MGARP: variants seen among roughly 807,000 people sequenced by gnomAD.
MGARP encodes mitochondria localized glutamic acid rich protein, also known as protein MGARP.
Under a neutral mutation model 11.0 loss-of-function variants are expected in MGARP, and 12 were observed. The ratio of observed to expected loss-of-function variants is 1.09; its 90% CI spans 0.70 to 1.77. The LOEUF (loss-of-function observed/expected upper bound fraction) is 1.77, where lower values mean the gene tolerates loss of function less well. Among genes scored for constraint, MGARP ranks in the 40% most tolerant of loss-of-function variants. The pLI is 0.00. For synonymous variants in MGARP, 110 were observed against 115.4 expected (o/e 0.95, Z 0.30); for missense variants, 283 against 297.8 (o/e 0.95, Z 0.36).
intron 1 of MGARP, among the ~76,000 whole-genome samples, chr4:139,279,384 A>G (rs1017912721): frequency 4.6e-5 from 7 of 152,080 alleles, no homozygotes; most frequent in Non-Finnish European, 7.3e-5. Flanking sequence ...CTCAGAACCA[A>G]AGGTGTCGAT....
At chr4:139,269,406 A>G (rs2110729768) in intron 2 of MGARP, among the ~76,000 whole-genome samples, 1 of 152,200 alleles carries the variant, frequency 6.6e-6, no homozygotes, top group East Asian at 1.9e-4. Flanking sequence ...AGGTGGGTGG[A>G]TCACCTGAAG....
chr4:139,270,214 C>T (rs1342314757), intron 2 of MGARP, among the ~76,000 whole-genome samples: 1 of 142,682 alleles, frequency 7.0e-6, no homozygotes, highest in Non-Finnish European at 1.5e-5. Flanking sequence ...GCAGGAGAAT[C>T]ACTTGAACCC....
chr4:139,267,497 G>A (rs186404866), intron 3 of MGARP, among the ~76,000 whole-genome samples: 1 of 152,276 alleles, frequency 6.6e-6, no homozygotes, highest in Admixed American at 6.5e-5. Context: ...CCTAGCTGGT[G>A]ACTCAGAAAT....
intron 2 of MGARP, among the ~76,000 whole-genome samples, chr4:139,273,510 CTTTTTTTTT>C (rs1000327890): frequency 8.1e-6 from 1 of 123,644 alleles, no homozygotes; most frequent in Non-Finnish European, 1.7e-5. Context: ...TACTTTTATT[CTTTTTTTTT>C]TTTTTTTTTT....
intron 2 of MGARP, among the ~76,000 whole-genome samples, chr4:139,273,139 C>T (rs1448811668): frequency 1.3e-5 from 2 of 152,124 alleles, no homozygotes; most frequent in East Asian, 3.8e-4. Flanking sequence ...CTCCTGCAAG[C>T]AATTCTCCTG....
intron 1 of MGARP, among the ~76,000 whole-genome samples, chr4:139,279,624 C>G (rs1241954504): frequency 6.6e-6 from 1 of 152,186 alleles, no homozygotes; most frequent in East Asian, 1.9e-4. Context: ...GGCCCGCTCG[C>G]TGATCGGCGT....
rs754607391 is a variant in MGARP, at chr4:139,266,790, C to G, written c.532G>C (p.Glu178Gln). Residue 178 changes from glutamate to glutamine, a missense_variant, in exon 4 of 4, where the codon GAG becomes CAG. Physicochemically the swap from Glu to Gln is conservative, Grantham distance 29. Transcript: ENST00000398955. ...TTEVNPETTP[E>Q]VTNAALDEAV... is the part of the protein sequence containing the mutation. Reference sequence around the variant, plus strand: ...TCATCCAGGGCAGCATTTGTAACCTCTGGGGTTGTTTCAGGGTTTACTTCC... The same window carrying G: ...TCATCCAGGGCAGCATTTGTAACCTGTGGGGTTGTTTCAGGGTTTACTTCC... 1 of 1,614,188 alleles carries G rather than the reference C, an allele frequency of 6.2e-7. No homozygotes were observed. Among genetic ancestry groups the G allele is most frequent in the South Asian group, 1.1e-5 (1 of 91,076 alleles).
intron 2 of MGARP, among the ~76,000 whole-genome samples, chr4:139,274,935 A>T (rs1194402227): frequency 1.3e-5 from 2 of 152,250 alleles, no homozygotes; most frequent in African/African-American, 4.8e-5. Flanking sequence ...TAGCATTTAT[A>T]ATAAAATTAT....
At position 139,266,528 on chromosome 4, in the gene MGARP, G is replaced by T; in HGVS notation, c.*71C>A. ...AAGTCTTTTTTTTTTTAAACTAAGT[G>T]TACTAAAAACACAAAAGCACTTATC... On this transcript the variant is annotated 3_prime_UTR_variant, in exon 4 of 4. Transcript: ENST00000398955. 1.5e-6 allele frequency: 2 copies of T among 1,304,760 alleles called. No homozygotes were observed. Among genetic ancestry groups the T allele is most frequent in the Non-Finnish European group, 2.1e-6 (2 of 961,640 alleles). 80.8% of individuals were successfully genotyped at this position (1,304,760 alleles called of 1,614,324 possible). A position where few individuals can be genotyped will look rare whatever the true frequency, so the allele number is the denominator to read the frequency against.
chr4:139,268,252 G>T (rs1368543907), intron 3 of MGARP, among the ~76,000 whole-genome samples: 1 of 152,170 alleles, frequency 6.6e-6, no homozygotes, highest in Non-Finnish European at 1.5e-5. Flanking sequence ...ATACACAACT[G>T]ATTCTATTAT....
chr4:139,270,623 A>AAAAAG (rs1560931287), intron 2 of MGARP, among the ~76,000 whole-genome samples: 13 of 151,346 alleles, frequency 8.6e-5, no homozygotes, highest in African/African-American at 2.4e-4. Context: ...AAAAAAAAAA[A>AAAAAG]AAAAGAAAAG....
At chr4:139,273,594 G>A (rs925669486) in intron 2 of MGARP, among the ~76,000 whole-genome samples, 5 of 146,320 alleles carry the variant, frequency 3.4e-5, no homozygotes, top group East Asian at 2.0e-4. Flanking sequence ...AGCTCACTGC[G>A]ACCTCCACCT....
Position 139,266,426 on chromosome 4 carries a change from A to C in MGARP, c.*173T>G. 1.6e-6 allele frequency: 1 copy of C among 613,558 alleles called. No individual in the cohort carries two copies. The allele number at this position is 613,558 out of a possible 1,614,324, so 38.0% of individuals were successfully genotyped here. A position where few individuals can be genotyped will look rare whatever the true frequency, so the allele number is the denominator to read the frequency against. On this transcript the variant is annotated 3_prime_UTR_variant, in exon 4 of 4. Transcript: ENST00000398955. ...GTAGAAGAGTAGTAAGAAATGTACAATCTCAAGTCTCTCAGTCCTAAAATC... is the reference window on the plus strand; with the variant it reads ...GTAGAAGAGTAGTAAGAAATGTACACTCTCAAGTCTCTCAGTCCTAAAATC...
In MGARP at chr4:139,276,843, A is replaced by AG. The variant is rs1419155112; in HGVS notation, c.83-1452_83-1451insC. 7.2e-5 allele frequency among the ~76,000 whole-genome samples: 11 copies of AG among 152,210 alleles called. No homozygotes were observed. In the East Asian group the frequency reaches 2.1e-3, roughly 29 times the overall value. ...CAGAGAAAGGTTCTGTTCCAAAAAAATAATTAAAATAAAATAAAATGCTTG... is the reference window on the plus strand; with the variant it reads ...CAGAGAAAGGTTCTGTTCCAAAAAAAGTAATTAAAATAAAATAAAATGCTTG... On this transcript the variant is annotated intron_variant, in intron 1 of 3. Transcript: ENST00000398955.
At chr4:139,268,896 G>T (rs1039926822) in intron 2 of MGARP, 131 bp from the exon 3 acceptor site, 5 of 611,710 alleles carry the variant, frequency 8.2e-6, no homozygotes, top group Non-Finnish European at 1.4e-5. Flanking sequence ...TAGCAAAGAA[G>T]AGAAATCAGT....
At chr4:139,271,944 A>G (rs1354450286) in intron 2 of MGARP, among the ~76,000 whole-genome samples, 1 of 152,164 alleles carries the variant, frequency 6.6e-6, no homozygotes, top group Non-Finnish European at 1.5e-5. Flanking sequence ...GCAGTCTGGC[A>G]AAGTTTGTTT....
chr4:139,269,102 C>T (rs1182357622), intron 2 of MGARP, among the ~76,000 whole-genome samples: 1 of 152,132 alleles, frequency 6.6e-6, no homozygotes, highest in Non-Finnish European at 1.5e-5. Flanking sequence ...CAAACCTGCA[C>T]ATGTACACCT....
intron 2 of MGARP, among the ~76,000 whole-genome samples, chr4:139,274,809 T>G (rs1744842523): frequency 6.6e-6 from 1 of 152,242 alleles, no homozygotes; most frequent in Non-Finnish European, 1.5e-5. Flanking sequence ...AGTTAATCTT[T>G]CAAAATAATT....
chr4:139,275,547 T>C (rs185116598), intron 1 of MGARP, among the ~76,000 whole-genome samples, 155 bp from the exon 2 acceptor site: 1 of 152,306 alleles, frequency 6.6e-6, no homozygotes, highest in East Asian at 1.9e-4. Context: ...CGAGGCTGGG[T>C]AATAATTCCA....
Sources: allele counts gnomAD v4.1 joint callset (sites outside exome capture counted in the v4.1 genomes callset), GRCh38; gene constraint gnomAD v4.1.1; transcripts MANE v1.5; gene names NCBI Gene and HGNC (gene_info 2026-07-23, HGNC 2026-07-21).